FAT2: variants seen among roughly 807,000 people sequenced by gnomAD.
The protein encoded by FAT2 is protocadherin Fat 2.
FAT2 carries 150 observed loss-of-function variants against 295.3 expected under a neutral mutation model. That is an observed-to-expected ratio of 0.51 (90% confidence interval 0.44 to 0.58). The LOEUF is 0.58. Among genes scored for constraint, FAT2 ranks in the 20% least tolerant of loss-of-function variants. The probability of loss-of-function intolerance (pLI) is 0.00; values close to 1 mark genes in which losing one functional copy is unlikely to be tolerated. For missense variants in FAT2, 4,868 were observed against 5,442.7 expected, an observed-to-expected ratio of 0.89 and a Z score of 3.32; for synonymous variants, 2,026 against 2,150.3, an observed-to-expected ratio of 0.94 and a Z score of 1.60.
intron 1 of FAT2, among the ~76,000 whole-genome samples, chr5:151,588,274 A>G (rs565925981): frequency 1.3e-5 from 2 of 152,312 alleles, no homozygotes; most frequent in East Asian, 3.8e-4. Flanking sequence ...GTGGGAGCCA[A>G]CTGGCCTTCA....
rs945119174 is a variant in FAT2, at chr5:151,585,991, TG to T, written c.-21+5173del. ...AGATGGAAAGTGTTAAGGCCAGGACTGGAACTCAAGCACCCCGACTCCAGAG... is the reference window on the plus strand; with the variant it reads ...AGATGGAAAGTGTTAAGGCCAGGACTGAACTCAAGCACCCCGACTCCAGAG... On this transcript the variant is annotated intron_variant, in intron 1 of 23. Coordinates refer to ENST00000261800, the MANE Select transcript of FAT2 (RefSeq NM_001447.3). Among the ~76,000 whole-genome samples, 5 of 152,286 alleles carry T rather than the reference TG, an allele frequency of 3.3e-5. No homozygotes were observed. In the East Asian group the frequency reaches 5.8e-4, roughly 18 times the overall value.
Position 151,542,728 on chromosome 5 carries a change from T to A in FAT2, c.8399A>T (p.Asp2800Val). The A allele has an allele frequency of 6.2e-7, 1 of 1,614,242 alleles. No homozygotes were observed. Among genetic ancestry groups the A allele is most frequent in the Non-Finnish European group, 8.5e-7 (1 of 1,180,044 alleles). Residue 2800 changes from aspartate (D) to valine (V), a missense_variant, in exon 10 of 24, where the codon GAT becomes GTT. Asp to Val is a radical substitution (Grantham distance 152, BLOSUM62 -3). Around this residue, in one of 5 missense-constraint regions of FAT2, gnomAD observed 3,297 missense variants for 3,669.4 expected, o/e 0.90. Transcript: ENST00000261800. ...CTCAGTGAGGACAGCCTTATATGGA[T>A]CAGCCTCAAATACAGGCCTATTGTC... ...VNDNRPVFEA[D>V]PYKAVLTENM...
intron 2 of FAT2, among the ~76,000 whole-genome samples, chr5:151,564,986 A>C (rs1758183018): frequency 6.6e-6 from 1 of 152,154 alleles, no homozygotes; most frequent in Admixed American, 6.6e-5. Context: ...AAGGCAGGAG[A>C]ATCGCTTGAA....
chr5:151,547,756 G>C (rs1337972908), intron 9 of FAT2, among the ~76,000 whole-genome samples: 1 of 152,046 alleles, frequency 6.6e-6, no homozygotes, highest in African/African-American at 2.4e-5. Flanking sequence ...ATATCACACT[G>C]CTGAAAGAAA....
chr5:151,505,968 A>T lies in FAT2; in HGVS notation c.12647T>A (p.Met4216Lys), dbSNP rs1253511727. The change falls in exon 24 of 24, where the codon ATG (methionine) becomes AAG (lysine). Residue 4216 changes from methionine (M) to lysine (K), a missense_variant. Transcript: ENST00000261800. ...CCCATAGAGGCCATTAGGCTCTGGC[A>T]TCACGACTGGGGTTGAGTGGCGGTG... ...SAHRHSTPVV[M>K]PEPNGLYGGF... is the part of the protein sequence containing the mutation. 2 of 1,572,796 alleles carry T rather than the reference A, an allele frequency of 1.3e-6. No homozygotes were observed. Among genetic ancestry groups the T allele is most frequent in the African/African-American group, 2.7e-5 (2 of 72,964 alleles).
Position 151,545,988 on chromosome 5 carries a change from G to A in FAT2, c.5139C>T (p.Ser1713=), listed in dbSNP as rs566301375. Residue 1713 remains serine (S), a synonymous_variant, in exon 10 of 24, where the codon TCC becomes TCT. Coordinates refer to ENST00000261800, the MANE Select transcript of FAT2 (RefSeq NM_001447.3). ...FSMNSYSGLI[S]TQKKLDHEKI... ...TCTCATGGTCCAATTTCTTCTGGGT[G>A]GAAATAAGGCCAGAATATGAGTTCA... 18 of 1,614,058 alleles carry A rather than the reference G, an allele frequency of 1.1e-5. No homozygotes were observed. In the African/African-American group the frequency reaches 2.0e-4, roughly 18 times the overall value.
At chr5:151,506,728 G>T (rs896675783) in intron 23 of FAT2, among the ~76,000 whole-genome samples, 2 of 152,228 alleles carry the variant, frequency 1.3e-5, no homozygotes, top group Non-Finnish European at 2.9e-5. Flanking sequence ...CCAAAGATGA[G>T]AAGAAGGTGA....
chr5:151,579,916 T>C (rs1758880161), intron 1 of FAT2, among the ~76,000 whole-genome samples: 1 of 152,182 alleles, frequency 6.6e-6, no homozygotes, highest in Non-Finnish European at 1.5e-5. Flanking sequence ...CAGATTGAAA[T>C]AGACCTGCTA....
chr5:151,576,007 C>G (rs138086352), intron 1 of FAT2, among the ~76,000 whole-genome samples: 1 of 152,134 alleles, frequency 6.6e-6, no homozygotes, highest in African/African-American at 2.4e-5. Flanking sequence ...CTAAAGAGCA[C>G]GGCATAGGAA....
At position 151,553,353 on chromosome 5, in the gene FAT2, G is replaced by C. The variant is rs2127627800; in HGVS notation, c.3980C>G (p.Ser1327Ter). The C allele has an allele frequency of 6.2e-7, 1 of 1,614,242 alleles. No homozygotes were observed. Among genetic ancestry groups the C allele is most frequent in the Non-Finnish European group, 8.5e-7 (1 of 1,180,044 alleles). The change falls in exon 6 of 24, where the codon TCA becomes TGA. Residue 1327 changes from serine to a stop codon, truncating the protein, a stop_gained. Coordinates refer to ENST00000261800, the MANE Select transcript of FAT2 (RefSeq NM_001447.3). LOFTEE classifies it high-confidence loss of function. ...KATDSGQPPL[S>*]ASVRLHIEWI... ...CTCAATGTGTAGCCGGACACTGGCT[G>C]AGAGTGGTGGCTGCCCACTGTCTGT...
intron 1 of FAT2, among the ~76,000 whole-genome samples, chr5:151,573,336 C>T (rs770880175): frequency 6.6e-6 from 1 of 152,234 alleles, no homozygotes; most frequent in Non-Finnish European, 1.5e-5. Context: ...CTGGCTTATA[C>T]TATTAACTGT....
rs774846153 is a variant in FAT2 at position 151,545,084 on chromosome 5, CCATATGAAA to C, written c.6034_6042del (p.Phe2012_Met2014del). ...GTCTGCAACACACCTGCTGACTGGA[CCATATGAAA>C]CATATCTGTGCCATTCAAGAGAAAG... On this transcript the variant is annotated inframe_deletion, in exon 10 of 24. Transcript: ENST00000261800. 1 of 1,614,136 alleles carries C rather than the reference CCATATGAAA, an allele frequency of 6.2e-7. No individual in the cohort carries two copies. The highest frequency in any genetic ancestry group is 8.5e-7 in the Non-Finnish European group (1 of 1,180,018).
chr5:151,557,254 G>C (rs2127635919), intron 3 of FAT2, among the ~76,000 whole-genome samples: 1 of 152,236 alleles, frequency 6.6e-6, no homozygotes, highest in Non-Finnish European at 1.5e-5. Flanking sequence ...ACAAACCCCA[G>C]TTCTCCTGAG....
intron 5 of FAT2, among the ~76,000 whole-genome samples, chr5:151,553,993 C>T (rs1293491751): frequency 1.3e-5 from 2 of 152,180 alleles, no homozygotes; most frequent in South Asian, 2.1e-4. Flanking sequence ...ACAAGAAAGA[C>T]GTTCTTATCT....
At chr5:151,591,718 A>G (rs1214139702), upstream of FAT2, among the ~76,000 whole-genome samples, 3 of 152,122 alleles carry the variant, frequency 2.0e-5, no homozygotes, top group African/African-American at 7.2e-5. Context: ...TTGGAGACGG[A>G]CAGATTTGGT....
At chr5:151,538,526 G>C (rs1581378304) in intron 11 of FAT2, among the ~76,000 whole-genome samples, 1 of 151,990 alleles carries the variant, frequency 6.6e-6, no homozygotes, top group East Asian at 1.9e-4. Flanking sequence ...ATCTGAGGGA[G>C]TGGCAGAGGG....
intron 1 of FAT2, among the ~76,000 whole-genome samples, chr5:151,575,010 TGAAAGCACAGG>T (rs1055977579): frequency 2.0e-5 from 3 of 152,162 alleles, no homozygotes; most frequent in Non-Finnish European, 4.4e-5. Flanking sequence ...ATTTGACAGG[TGAAAGCACAGG>T]GAGGAAAGAT....
At chr5:151,589,298 T>C (rs891131829) in intron 1 of FAT2, among the ~76,000 whole-genome samples, 1 of 152,170 alleles carries the variant, frequency 6.6e-6, no homozygotes, top group Non-Finnish European at 1.5e-5. Context: ...CACCTGGCCT[T>C]AACTGGCCAG....
intron 22 of FAT2, 120 bp from the exon 23 acceptor site, chr5:151,507,731 C>T (rs772726320): frequency 5.6e-5 from 51 of 908,422 alleles, no homozygotes; most frequent in Non-Finnish European, 7.6e-5. Context: ...CCGTTTTTCA[C>T]CCCCCAAAAA....
Sources: gnomAD v4.1 joint callset for allele counts (sites outside exome capture counted in the v4.1 genomes callset) on GRCh38, gnomAD v4.1.1 for gene constraint, gnomAD v4.1.1 regional missense constraint, MANE v1.5 for transcripts, NCBI Gene and HGNC (gene_info 2026-07-23, HGNC 2026-07-21) for gene names.